The following ABCG2 variants were observed in gnomAD, a reference collection of about 807,000 sequenced individuals.
ABCG2 encodes ATP binding cassette subfamily G member 2 (JR blood group).
In ABCG2, 80 loss-of-function variants were observed where a neutral mutation model predicts 73.5. The ratio of observed to expected loss-of-function variants is 1.09; its 90% CI spans 0.91 to 1.31. The LOEUF (loss-of-function observed/expected upper bound fraction) is 1.31, where lower values mean the gene tolerates loss of function less well. ABCG2 is among the 50% of genes most tolerant of loss of function. The pLI, the probability that ABCG2 is intolerant of heterozygous loss-of-function variation, is 0.00. For synonymous variants in ABCG2, 269 were observed against 282.4 expected, an observed-to-expected ratio of 0.95 and a Z score of 0.48; for missense variants, 796 against 786.2, an observed-to-expected ratio of 1.01 and a Z score of -0.15.
At chr4:88,158,320 T>A (rs1727090393) in intron 1 of ABCG2, 66 bp downstream of exon 1, 1 of 343,768 alleles carries the variant, frequency 2.9e-6, no homozygotes, top group Admixed American at 4.0e-5. Flanking sequence ...AACAAATATA[T>A]ACACAACGCC....
intron 3 of ABCG2, 68 bp from the exon 4 acceptor site, chr4:88,131,985 T>C: frequency 1.7e-6 from 2 of 1,185,074 alleles, no homozygotes; most frequent in Non-Finnish European, 2.4e-6. Context: ...TGGGGTTTTT[T>C]TCCCTCCAAC....
At chr4:88,158,741 G>A, upstream of ABCG2, 1 of 405,348 alleles carries the variant, frequency 2.5e-6, no homozygotes, top group Non-Finnish European at 4.9e-6. Context: ...GCGCCCGAGC[G>A]CTCCCCTCGC....
chr4:88,092,879 A>T (rs533173981), intron 15 of ABCG2, among the ~76,000 whole-genome samples: 1 of 152,328 alleles, frequency 6.6e-6, no homozygotes, highest in African/African-American at 2.4e-5. Flanking sequence ...AAATAGCCAT[A>T]AAAAACAACA....
At chr4:88,152,995 T>G (rs113787091) in intron 1 of ABCG2, among the ~76,000 whole-genome samples, 6,829 of 152,086 alleles carry the variant, frequency 0.045, 239 homozygotes, top group Non-Finnish European at 0.067. Context: ...CAATTTTGTA[T>G]GAATTGAAAA....
chr4:88,112,971 G>A (rs1051557259), intron 9 of ABCG2, among the ~76,000 whole-genome samples: 7 of 151,998 alleles, frequency 4.6e-5, no homozygotes, highest in Non-Finnish European at 5.9e-5. Flanking sequence ...TTAGCTGGAC[G>A]TGGTGGGACA....
At chr4:88,132,703 C>T in intron 2 of ABCG2, 68 bp from the exon 3 acceptor site, 1 of 1,508,804 alleles carries the variant, frequency 6.6e-7, no homozygotes, top group Non-Finnish European at 9.2e-7. Context: ...TTAGGGTAGG[C>T]ACTGAATATA....
chr4:88,163,533 C>T (rs1378301674), upstream of ABCG2: 1 of 170,238 alleles, frequency 5.9e-6, no homozygotes, highest in Non-Finnish European at 1.3e-5. Flanking sequence ...GAAAAGGAAA[C>T]TTAAGAATCC....
At chr4:88,156,746 C>T (rs1015939331) in intron 1 of ABCG2, among the ~76,000 whole-genome samples, 2 of 152,138 alleles carry the variant, frequency 1.3e-5, no homozygotes, top group African/African-American at 4.8e-5. Context: ...AATGGCAGTG[C>T]AGGTTTCTCT....
intron 1 of ABCG2, among the ~76,000 whole-genome samples, chr4:88,150,445 G>A (rs1010218300): frequency 6.6e-6 from 1 of 152,182 alleles, no homozygotes; most frequent in African/African-American, 2.4e-5. Context: ...GAGGATAAGA[G>A]AGCAGGAACT....
intron 1 of ABCG2, among the ~76,000 whole-genome samples, chr4:88,140,244 T>C (rs1038247977): frequency 6.6e-6 from 1 of 152,052 alleles, no homozygotes. Flanking sequence ...ACATCCCTAA[T>C]AAGTAAATGG....
upstream of ABCG2, among the ~76,000 whole-genome samples, chr4:88,162,344 T>C (rs1727352916): frequency 6.6e-6 from 1 of 152,096 alleles, no homozygotes; most frequent in Non-Finnish European, 1.5e-5. Flanking sequence ...ATTTTAAAAG[T>C]AAAATAAACT....
chr4:88,126,319 C>G (rs1041926161), intron 5 of ABCG2, among the ~76,000 whole-genome samples: 11 of 152,118 alleles, frequency 7.2e-5, no homozygotes, highest in African/African-American at 2.7e-4. Context: ...CAGGACCAGA[C>G]AGATTCACAG....
intron 7 of ABCG2, 103 bp downstream of exon 7, chr4:88,118,006 G>A: frequency 8.9e-7 from 1 of 1,128,382 alleles, no homozygotes; most frequent in Non-Finnish European, 1.2e-6. Context: ...GATTCTCATG[G>A]TATGTCTACC....
At chr4:88,159,860 G>T (rs1206310478), upstream of ABCG2, among the ~76,000 whole-genome samples, 2 of 152,094 alleles carry the variant, frequency 1.3e-5, no homozygotes, top group Non-Finnish European at 1.5e-5. Context: ...CCAAACATTT[G>T]GGTAAAATTA....
intron 1 of ABCG2, among the ~76,000 whole-genome samples, chr4:88,211,370 C>G (rs1035049200): frequency 6.1e-5 from 8 of 130,476 alleles, no homozygotes; most frequent in South Asian, 6.4e-4. Context: ...CCCACCCCCC[C>G]CCACTTTTGG....
At chr4:88,214,033 G>A (rs901016977) in intron 1 of ABCG2, among the ~76,000 whole-genome samples, 4 of 126,866 alleles carry the variant, frequency 3.2e-5, no homozygotes, top group African/African-American at 1.2e-4. Context: ...TGTCGCCCAG[G>A]TTAGAGTGCA....
At chr4:88,132,122 TGTA>T (rs1268633497) in intron 3 of ABCG2, among the ~76,000 whole-genome samples, 2 of 152,198 alleles carry the variant, frequency 1.3e-5, no homozygotes, top group African/African-American at 2.4e-5. Flanking sequence ...CTCTTTTCAT[TGTA>T]CATTACAATA....
intron 1 of ABCG2, among the ~76,000 whole-genome samples, chr4:88,152,236 A>G (rs1171277119): frequency 1.3e-5 from 2 of 152,168 alleles, no homozygotes; most frequent in African/African-American, 4.8e-5. Flanking sequence ...AATACTACCA[A>G]TTTTACTTCT....
At chr4:88,144,568 G>T (rs1725853745) in intron 1 of ABCG2, among the ~76,000 whole-genome samples, 2 of 144,126 alleles carry the variant, frequency 1.4e-5, no homozygotes, top group African/African-American at 2.6e-5. Context: ...TGATTCTCCT[G>T]CCTCAGTCTC....
Sources: gnomAD v4.1 joint callset for allele counts (sites outside exome capture counted in the v4.1 genomes callset) on GRCh38, gnomAD v4.1.1 for gene constraint, MANE v1.5 for transcripts, NCBI Gene and HGNC (gene_info 2026-07-23, HGNC 2026-07-21) for gene names.